Variants in LSAMP observed in about 807,000 individuals in gnomAD.
The protein encoded by LSAMP is limbic system associated membrane protein, also known as limbic system-associated membrane protein.
In LSAMP, 7 loss-of-function variants were observed where a neutral mutation model predicts 38.6. That is an observed-to-expected ratio of 0.18 (90% confidence interval 0.10 to 0.34). LSAMP has a LOEUF of 0.34. Among genes scored for constraint, LSAMP ranks in the 10% least tolerant of loss-of-function variants. The pLI is 1.00. For synonymous variants in LSAMP, 154 were observed against 166.8 expected (o/e 0.92, Z 0.59); for missense variants, 313 against 420.0 (o/e 0.75, Z 2.23).
intron 2 of LSAMP, among the ~76,000 whole-genome samples, chr3:116,021,676 T>C (rs1172801937): frequency 1.1e-4 from 16 of 152,090 alleles, no homozygotes; most frequent in Admixed American, 1.0e-3. Context: ...AATATAGATA[T>C]GTTCTGATAA....
intron 1 of LSAMP, among the ~76,000 whole-genome samples, chr3:116,402,455 A>G (rs2048851468): frequency 6.6e-6 from 1 of 152,170 alleles, no homozygotes; most frequent in Non-Finnish European, 1.5e-5. Context: ...AATCACCAAC[A>G]GTAAGAAAAT....
Position 115,877,254 on chromosome 3 carries a change from G to GT in LSAMP, c.515-24638dup, listed in dbSNP as rs111822478. Among the ~76,000 whole-genome samples, 672 of 148,716 alleles carry GT rather than the reference G, an allele frequency of 4.5e-3. 3 individuals carry two copies. Among genetic ancestry groups the GT allele is most frequent in the African/African-American group, 0.01 (414 of 40,746 alleles). On this transcript the variant is annotated intron_variant, in intron 3 of 6. Transcript: ENST00000490035. ...GAAATATCACAACACAAAGCTCCCT[G>GT]TTTTTTTTTTCTCCTTCCTGCCTCC...
intron 1 of LSAMP, among the ~76,000 whole-genome samples, chr3:116,399,558 G>A (rs767016339): frequency 5.1e-4 from 78 of 152,184 alleles, no homozygotes; most frequent in Non-Finnish European, 1.5e-4. Flanking sequence ...AGCACCAAAA[G>A]TGGGCAATAT....
At position 116,059,987 on chromosome 3, in the gene LSAMP, T is replaced by C. The variant is rs147540512; in HGVS notation, c.388+26337A>G. Reference sequence around the variant, plus strand: ...GAGTACAGCCATTCTGTGATTTATGTTACATACCAATGCCTCCAGGCAGAA... The same window carrying C: ...GAGTACAGCCATTCTGTGATTTATGCTACATACCAATGCCTCCAGGCAGAA... On this transcript the variant is annotated intron_variant, in intron 2 of 6. Coordinates refer to ENST00000490035, the MANE Select transcript of LSAMP (RefSeq NM_002338.5). Among the ~76,000 whole-genome samples, 666 of 152,328 alleles carry C rather than the reference T, an allele frequency of 4.4e-3. 7 individuals are homozygous for C. The highest frequency in any genetic ancestry group is 0.016 in the African/African-American group (649 of 41,560).
intron 2 of LSAMP, among the ~76,000 whole-genome samples, chr3:116,039,066 G>A (rs1379303534): frequency 1.3e-5 from 2 of 152,138 alleles, no homozygotes; most frequent in Non-Finnish European, 2.9e-5. Context: ...GTATAGAGGT[G>A]TCTTCAGAGA....
At chr3:116,308,477 G>C (rs2047514363) in intron 1 of LSAMP, among the ~76,000 whole-genome samples, 1 of 152,070 alleles carries the variant, frequency 6.6e-6, no homozygotes, top group Admixed American at 6.6e-5. Flanking sequence ...GGTAAATTCT[G>C]TGAATGAAGC....
chr3:115,901,574 A>G (rs1936875172), intron 3 of LSAMP, among the ~76,000 whole-genome samples: 1 of 152,162 alleles, frequency 6.6e-6, no homozygotes, highest in African/African-American at 2.4e-5. Flanking sequence ...ATCTCCCTGT[A>G]TTTCCTATCT....
intron 2 of LSAMP, among the ~76,000 whole-genome samples, chr3:116,075,340 G>C (rs989942974): frequency 3.3e-5 from 5 of 150,984 alleles, no homozygotes; most frequent in Non-Finnish European, 7.4e-5. Flanking sequence ...GTTTCACTAT[G>C]TTGGCCAGGC....
rs1393036165 is a variant in LSAMP, at chr3:116,399,468, G to T, written c.155+45409C>A. Among the ~76,000 whole-genome samples, 4 of 152,142 alleles carry T rather than the reference G, an allele frequency of 2.6e-5. No homozygotes were observed. The South Asian group carries it at 6.2e-4, about 24-fold the overall frequency. On this transcript the variant is annotated intron_variant, in intron 1 of 6. Transcript: ENST00000490035. The stretch of plus-strand genomic sequence containing the variant: ...GGAAGAGAGATGTTAAGTGAAATTG[G>T]CAGGGACACACTATAGAAAACACTG...
chr3:116,354,662 C>A (rs1462910423), intron 1 of LSAMP, among the ~76,000 whole-genome samples: 1 of 152,166 alleles, frequency 6.6e-6, no homozygotes, highest in Non-Finnish European at 1.5e-5. Context: ...GCCTTATAAT[C>A]TGCCAGAGGA....
chr3:115,952,789 A>G (rs1186571132), intron 3 of LSAMP, among the ~76,000 whole-genome samples: 2 of 152,196 alleles, frequency 1.3e-5, no homozygotes, highest in Admixed American at 6.5e-5. Flanking sequence ...CTTGCAGAAA[A>G]CATTTGGGAA....
At chr3:116,344,047 CTATAGAGTAAT>C in intron 1 of LSAMP, among the ~76,000 whole-genome samples, 1 of 152,130 alleles carries the variant, frequency 6.6e-6, no homozygotes, top group East Asian at 1.9e-4. Flanking sequence ...AGGAATTAAA[CTATAGAGTAAT>C]AAGCTCATCA....
At chr3:115,883,684 T>A (rs1437367533) in intron 3 of LSAMP, among the ~76,000 whole-genome samples, 2 of 152,012 alleles carry the variant, frequency 1.3e-5, no homozygotes, top group Non-Finnish European at 2.9e-5. Context: ...CTAAATCTAG[T>A]GAAGGGGAGT....
At chr3:116,330,556 C>G (rs978290339) in intron 1 of LSAMP, among the ~76,000 whole-genome samples, 5 of 152,088 alleles carry the variant, frequency 3.3e-5, no homozygotes, top group African/African-American at 1.2e-4. Flanking sequence ...GCTCCCCCCC[C>G]CACAACCTTT....
intron 1 of LSAMP, among the ~76,000 whole-genome samples, chr3:116,113,409 TA>T (rs1418235974): frequency 1.5e-5 from 1 of 67,698 alleles, no homozygotes; most frequent in African/African-American, 6.3e-5. Context: ...CCTATATATA[TA>T]TATATATATA....
intron 3 of LSAMP, among the ~76,000 whole-genome samples, chr3:115,891,878 G>T (rs1357808012): frequency 1.3e-5 from 2 of 151,912 alleles, no homozygotes; most frequent in Non-Finnish European, 2.9e-5. Flanking sequence ...AGTTCAGTTG[G>T]TTCTGCATAT....
At chr3:116,402,493 C>T (rs2048851791) in intron 1 of LSAMP, among the ~76,000 whole-genome samples, 1 of 151,906 alleles carries the variant, frequency 6.6e-6, no homozygotes, top group African/African-American at 2.4e-5. Flanking sequence ...CAAAAACTGC[C>T]AAGATCTTCA....
At chr3:116,091,835 G>T (rs1708131396) in intron 1 of LSAMP, among the ~76,000 whole-genome samples, 1 of 152,186 alleles carries the variant, frequency 6.6e-6, no homozygotes, top group South Asian at 2.1e-4. Flanking sequence ...ACGAGGAGAG[G>T]ATCAGAGAAT....
At chr3:116,323,084 T>C (rs2047726124) in intron 1 of LSAMP, among the ~76,000 whole-genome samples, 1 of 152,116 alleles carries the variant, frequency 6.6e-6, no homozygotes. Flanking sequence ...TAGAGCTCCA[T>C]TATAAGGATA....
Sources: allele counts gnomAD v4.1 joint callset (sites outside exome capture counted in the v4.1 genomes callset), GRCh38; gene constraint gnomAD v4.1.1; transcripts MANE v1.5; gene names NCBI Gene and HGNC (gene_info 2026-07-23, HGNC 2026-07-21).